Variants in PRKCA observed in about 807,000 individuals in gnomAD.
The protein encoded by PRKCA is protein kinase C alpha, also known as protein kinase C alpha type.
PRKCA carries 27 observed loss-of-function variants against 87.0 expected under a neutral mutation model. The ratio of observed to expected loss-of-function variants is 0.31; its 90% CI spans 0.23 to 0.43. PRKCA has a LOEUF of 0.43. PRKCA is among the 20% of genes least tolerant of loss of function. The pLI is 1.00. For synonymous variants in PRKCA, 329 were observed against 311.1 expected (o/e 1.06, Z -0.61); for missense variants, 518 against 852.3 (o/e 0.61, Z 4.88).
intron 3 of PRKCA, among the ~76,000 whole-genome samples, chr17:66,505,577 G>A (rs972115207): frequency 6.6e-6 from 1 of 152,060 alleles, no homozygotes; most frequent in African/African-American, 2.4e-5. Context: ...CCTTACCCTT[G>A]CCGAGTTGTC....
intron 2 of PRKCA, among the ~76,000 whole-genome samples, chr17:66,378,864 A>T (rs1198134992): frequency 6.6e-6 from 1 of 151,098 alleles, no homozygotes; most frequent in East Asian, 2.0e-4. Flanking sequence ...TCACACCACT[A>T]CACTCCAACC....
intron 3 of PRKCA, among the ~76,000 whole-genome samples, chr17:66,640,423 G>A (rs1409252545): frequency 6.6e-6 from 1 of 152,220 alleles, no homozygotes; most frequent in Non-Finnish European, 1.5e-5. Flanking sequence ...GTATGCTAGA[G>A]AAGGTAATGA....
chr17:66,406,273 A>G (rs1911369587), intron 2 of PRKCA, among the ~76,000 whole-genome samples: 1 of 152,222 alleles, frequency 6.6e-6, no homozygotes, highest in Non-Finnish European at 1.5e-5. Flanking sequence ...TTGAATTAAA[A>G]ATGTGACTTA....
chr17:66,384,532 T>G (rs371668218), intron 2 of PRKCA, among the ~76,000 whole-genome samples: 1 of 152,272 alleles, frequency 6.6e-6, no homozygotes, highest in Non-Finnish European at 1.5e-5. Context: ...TAAATTTTTA[T>G]TCTTTCTTGA....
In PRKCA at chr17:66,804,118, A is replaced by G; in HGVS notation, c.*81A>G. On this transcript the variant is annotated 3_prime_UTR_variant, in exon 17 of 17. Transcript: ENST00000413366. ...AGTGAATCCTTAACCCTAAAATTTTAAGGCCACGGCCTTGTGTCTGATTCC... is the reference window on the plus strand; with the variant it reads ...AGTGAATCCTTAACCCTAAAATTTTGAGGCCACGGCCTTGTGTCTGATTCC... The G allele has an allele frequency of 1.3e-6, 2 of 1,521,720 alleles. No individual in the cohort carries two copies. The highest frequency in any genetic ancestry group is 1.3e-5 in the South Asian group (1 of 78,058). 94.3% of individuals were successfully genotyped at this position (1,521,720 alleles called of 1,614,324 possible).
intron 2 of PRKCA, among the ~76,000 whole-genome samples, chr17:66,375,183 G>C (rs932997682): frequency 6.6e-6 from 1 of 152,150 alleles, no homozygotes; most frequent in Admixed American, 6.5e-5. Context: ...AGGATTAAGC[G>C]TCGAGGGAGA....
At chr17:66,590,505 C>G (rs111621833) in intron 3 of PRKCA, among the ~76,000 whole-genome samples, 1 of 152,148 alleles carries the variant, frequency 6.6e-6, no homozygotes, top group African/African-American at 2.4e-5. Context: ...ATGCCGTCCT[C>G]AGAGCGTGCA....
chr17:66,684,370 C>G (rs1368204633), intron 5 of PRKCA, among the ~76,000 whole-genome samples: 1 of 152,136 alleles, frequency 6.6e-6, no homozygotes, highest in Non-Finnish European at 1.5e-5. Flanking sequence ...GTGGCAGAGC[C>G]AGAATTCAAA....
At chr17:66,667,234 A>G (rs1259077282) in intron 5 of PRKCA, among the ~76,000 whole-genome samples, 2 of 152,226 alleles carry the variant, frequency 1.3e-5, no homozygotes, top group African/African-American at 2.4e-5. Flanking sequence ...GGATGATGTC[A>G]AATCGAGTTA....
chr17:66,741,852 G>A (rs1974165585), intron 12 of PRKCA, 131 bp downstream of exon 12: 3 of 835,364 alleles, frequency 3.6e-6, no homozygotes, highest in South Asian at 2.1e-5. Flanking sequence ...GACCTGCTGG[G>A]ACCCACCTTC....
intron 8 of PRKCA, chr17:66,696,547 A>T (rs1343553471): frequency 1.3e-5 from 2 of 152,226 alleles, no homozygotes; most frequent in African/African-American, 4.8e-5. Context: ...TTTGCTAATT[A>T]TATGAAATAG....
intron 3 of PRKCA, among the ~76,000 whole-genome samples, chr17:66,611,529 A>G (rs1390316138): frequency 1.3e-5 from 2 of 152,156 alleles, no homozygotes; most frequent in African/African-American, 2.4e-5. Context: ...CATTGTTTTA[A>G]TGGCCTAATA....
At position 66,689,138 on chromosome 17, in the gene PRKCA, CAA is replaced by C. The variant is rs895689643; in HGVS notation, c.918+99_918+100del. The C allele has an allele frequency of 5.5e-6, 4 of 732,946 alleles. No homozygotes were observed. The highest frequency in any genetic ancestry group is 3.7e-5 in the African/African-American group (2 of 53,568). The allele number at this position is 732,946 out of a possible 1,614,324, so 45.4% of individuals were successfully genotyped here. A position where few individuals can be genotyped will look rare whatever the true frequency, so the allele number is the denominator to read the frequency against. On this transcript the variant is annotated intron_variant, in intron 8 of 16. Transcript: ENST00000413366. This position sits in a 1 kb window ranked among gnomAD's most constrained non-coding sequence, Gnocchi z 4.1. ...ATGTTGTGGTCACATTTTTGAAAAG[CAA>C]AAAAAAAGTAATCTCAATGTTAATG...
chr17:66,644,982 C>T (rs1175841620), intron 4 of PRKCA, among the ~76,000 whole-genome samples: 2 of 151,126 alleles, frequency 1.3e-5, no homozygotes, highest in Middle Eastern at 3.4e-3. Context: ...AAAAGGAGAC[C>T]CTGTCTGAAG....
intron 3 of PRKCA, among the ~76,000 whole-genome samples, chr17:66,577,042 G>C (rs908925257): frequency 6.6e-6 from 1 of 151,960 alleles, no homozygotes; most frequent in Non-Finnish European, 1.5e-5. Flanking sequence ...GCTAAGTTTT[G>C]TATTTTTGGT....
intron 16 of PRKCA, among the ~76,000 whole-genome samples, chr17:66,798,453 C>CGGT (rs1165425981): frequency 0.1 from 885 of 8,702 alleles, 99 homozygotes; most frequent in Admixed American, 0.13. Flanking sequence ...GTGGTGGTGA[C>CGGT]GGTGGTGGTG....
intron 2 of PRKCA, among the ~76,000 whole-genome samples, chr17:66,310,811 G>A (rs959115366): frequency 2.0e-5 from 3 of 152,182 alleles, no homozygotes; most frequent in East Asian, 3.9e-4. Context: ...GGGATGCGCC[G>A]TTGTCCTCAT....
intron 3 of PRKCA, among the ~76,000 whole-genome samples, chr17:66,615,547 C>T (rs1970492026): frequency 6.6e-6 from 1 of 152,126 alleles, no homozygotes; most frequent in Admixed American, 6.5e-5. Flanking sequence ...ACTGTCTATC[C>T]TTCAAGCCTG....
At chr17:66,450,842 G>A (rs1371259707) in intron 2 of PRKCA, among the ~76,000 whole-genome samples, 16 of 152,164 alleles carry the variant, frequency 1.1e-4, no homozygotes, top group Admixed American at 8.5e-4. Flanking sequence ...TTTTAAAACC[G>A]CTAACTGATG....
Sources: allele counts gnomAD v4.1 joint callset (sites outside exome capture counted in the v4.1 genomes callset), GRCh38; gene constraint gnomAD v4.1.1; non-coding constraint Gnocchi (gnomAD v3.1); transcripts MANE v1.5; gene names NCBI Gene and HGNC (gene_info 2026-07-23, HGNC 2026-07-21).